Variants in ANKRD40 observed in about 807,000 individuals in gnomAD.
The protein encoded by ANKRD40 is ankyrin repeat domain 40.
A neutral mutation model predicts 35.5 loss-of-function variants in ANKRD40; 24 were observed. The observed-to-expected ratio is 0.68, with a 90% confidence interval of 0.49 to 0.95. The LOEUF is 0.95. Ranked by LOEUF, ANKRD40 falls within the 40% of genes least tolerant of loss-of-function variation. The probability of loss-of-function intolerance (pLI) is 0.00; values close to 1 mark genes in which losing one functional copy is unlikely to be tolerated. For missense variants in ANKRD40, 361 were observed against 436.0 expected, an observed-to-expected ratio of 0.83 and a Z score of 1.53; for synonymous variants, 147 against 173.5, an observed-to-expected ratio of 0.85 and a Z score of 1.20.
Position 50,699,387 on chromosome 17 carries a change from A to T in ANKRD40, c.778+12T>A. On this transcript the variant is annotated intron_variant, in intron 3 of 4. Coordinates refer to ENST00000285243, the MANE Select transcript of ANKRD40 (RefSeq NM_052855.4). ...CCCCTGTTGCAGAGGCTGTTTGCTG[A>T]TGAGGGGTTACCTTGCATATTAAAT... 1 of 1,610,550 alleles carries T rather than the reference A, an allele frequency of 6.2e-7. No homozygotes were observed. The highest frequency in any genetic ancestry group is 8.5e-7 in the Non-Finnish European group (1 of 1,177,330).
rs1056218192 is a variant in ANKRD40 at position 50,700,206 on chromosome 17, GGC to G, written c.284-315_284-314del. 5 of 270,924 alleles carry G rather than the reference GGC, an allele frequency of 1.8e-5. No homozygotes were observed. The Admixed American group carries it at 1.9e-4, about 10-fold the overall frequency. The allele number at this position is 270,924 out of a possible 1,614,324, so 16.8% of individuals were successfully genotyped here. Reference sequence around the variant, plus strand: ...TGCCTGTAATCCCAGCACTTTGGGAGGCTGAGGCTGGCGGATCACCTGAGGTC... The same window carrying G: ...TGCCTGTAATCCCAGCACTTTGGGAGTGAGGCTGGCGGATCACCTGAGGTC... On this transcript the variant is annotated intron_variant, in intron 2 of 4. Coordinates refer to ENST00000285243, the MANE Select transcript of ANKRD40 (RefSeq NM_052855.4).
In ANKRD40 at chr17:50,695,981, A is replaced by G; in HGVS notation, c.*16T>C. On this transcript the variant is annotated 3_prime_UTR_variant, in exon 5 of 5. Coordinates refer to ENST00000285243, the MANE Select transcript of ANKRD40 (RefSeq NM_052855.4). Reference sequence around the variant, plus strand: ...GCACACTGTCATAATACTCAGTGATAAAAGTCCCTGCTGCATTAGTAAGTC... The same window carrying G: ...GCACACTGTCATAATACTCAGTGATGAAAGTCCCTGCTGCATTAGTAAGTC... 1 of 1,613,648 alleles carries G rather than the reference A, an allele frequency of 6.2e-7. No homozygotes were observed.
chr17:50,700,751 G>A (rs750218993), intron 1 of ANKRD40, 35 bp from the exon 2 acceptor site: 6 of 1,578,478 alleles, frequency 3.8e-6, no homozygotes, highest in Non-Finnish European at 4.3e-6. Flanking sequence ...AAAAAGAGGA[G>A]AAGTGATTTT....
chr17:50,703,982 A>G (rs1968299675), intron 1 of ANKRD40, among the ~76,000 whole-genome samples: 2 of 152,000 alleles, frequency 1.3e-5, no homozygotes, highest in Admixed American at 6.5e-5. Flanking sequence ...AGTGAGAAGT[A>G]GTCAGATTCT....
chr17:50,695,992 C>A lies in ANKRD40; in HGVS notation c.*5G>T. On this transcript the variant is annotated 3_prime_UTR_variant, in exon 5 of 5. Transcript: ENST00000285243. Reference sequence around the variant, plus strand: ...TAATACTCAGTGATAAAAGTCCCTGCTGCATTAGTAAGTCAGTTTTGAAGC... The same window carrying A: ...TAATACTCAGTGATAAAAGTCCCTGATGCATTAGTAAGTCAGTTTTGAAGC... The A allele has an allele frequency of 6.2e-7, 1 of 1,613,836 alleles. No individual in the cohort carries two copies. Among genetic ancestry groups the A allele is most frequent in the East Asian group, 2.2e-5 (1 of 44,884 alleles).
chr17:50,699,252 T>A, intron 3 of ANKRD40, 147 bp downstream of exon 3: 1 of 1,096,698 alleles, frequency 9.1e-7, no homozygotes, highest in Non-Finnish European at 1.3e-6. Context: ...AGGTAAACAA[T>A]TTGTGAATTT....
At chr17:50,706,395 TTAACTC>T (rs748825951) in intron 1 of ANKRD40, among the ~76,000 whole-genome samples, 13 of 152,108 alleles carry the variant, frequency 8.5e-5, no homozygotes, top group African/African-American at 2.4e-4. Flanking sequence ...GCTACTCACT[TTAACTC>T]TAAGCTAGCA....
chr17:50,696,873 A>T, intron 4 of ANKRD40, 67 bp downstream of exon 4: 1 of 1,423,934 alleles, frequency 7.0e-7, no homozygotes, highest in South Asian at 1.4e-5. Context: ...TACCTCATAT[A>T]ACCAAGGAGG....
At chr17:50,705,839 T>TTAG (rs759751879) in intron 1 of ANKRD40, among the ~76,000 whole-genome samples, 11 of 151,664 alleles carry the variant, frequency 7.3e-5, no homozygotes, top group Non-Finnish European at 1.3e-4. Context: ...TTTTGTATCT[T>TTAG]TAGTAGAGAC....
chr17:50,696,910 A>G, intron 4 of ANKRD40, 30 bp downstream of exon 4: 1 of 1,554,020 alleles, frequency 6.4e-7, no homozygotes, highest in Non-Finnish European at 8.7e-7. Flanking sequence ...AAATGCAAAA[A>G]GCAGCCATTC....
chr17:50,703,492 T>C (rs1968293254), intron 1 of ANKRD40, among the ~76,000 whole-genome samples: 1 of 152,072 alleles, frequency 6.6e-6, no homozygotes, highest in South Asian at 2.1e-4. Context: ...CAACTTTAAA[T>C]TGAGGGCCCA....
At chr17:50,701,104 A>C (rs568951551) in intron 1 of ANKRD40, 1 of 146,756 alleles carries the variant, frequency 6.8e-6, no homozygotes, top group South Asian at 2.1e-4. Flanking sequence ...ATGGAAACTC[A>C]CTTCATATGC....
intron 3 of ANKRD40, 30 bp from the exon 4 acceptor site, chr17:50,697,151 T>C: frequency 6.9e-6 from 11 of 1,586,056 alleles, no homozygotes; most frequent in Non-Finnish European, 9.5e-6. Context: ...TGTTAATGAA[T>C]AGTTCTGGCA....
intron 3 of ANKRD40, among the ~76,000 whole-genome samples, chr17:50,697,978 A>G (rs528647329): frequency 6.6e-6 from 1 of 152,348 alleles, no homozygotes; most frequent in African/African-American, 2.4e-5. Context: ...ATATTTTTAA[A>G]AAGTTATACA....
rs8068848 is a variant in ANKRD40, at chr17:50,700,834, C to T, written c.135-118G>A. On this transcript the variant is annotated intron_variant, in intron 1 of 4. Coordinates refer to ENST00000285243, the MANE Select transcript of ANKRD40 (RefSeq NM_052855.4). ...TAGAGTTCAGCTAGAACCAGGTAAC[C>T]GGGCTGGTAATCTCAACTTTTCACA... The T allele has an allele frequency of 2.4e-3, 2,209 of 902,418 alleles. 32 individuals carry two copies. The African/African-American group carries it at 0.032, about 13-fold the overall frequency. 55.9% of individuals were successfully genotyped at this position (902,418 alleles called of 1,614,324 possible).
At chr17:50,698,233 G>A (rs955067445) in intron 3 of ANKRD40, among the ~76,000 whole-genome samples, 2 of 151,814 alleles carry the variant, frequency 1.3e-5, no homozygotes, top group Non-Finnish European at 1.5e-5. Flanking sequence ...CTATAAGCCC[G>A]GAACATCTTG....
Position 50,700,718 on chromosome 17 carries a change from T to C in ANKRD40, c.135-2A>G. ...TTACATGCCCAGTGTAAACAAGTCC[T>C]GTACCAAAGAAAATAATGATTGAAA... On this transcript the variant is annotated splice_acceptor_variant, in intron 1 of 4. Coordinates refer to ENST00000285243, the MANE Select transcript of ANKRD40 (RefSeq NM_052855.4). LOFTEE classifies it high-confidence loss of function. 1.2e-6 allele frequency: 2 copies of C among 1,600,650 alleles called. No individual in the cohort carries two copies. The highest frequency in any genetic ancestry group is 1.3e-5 in the African/African-American group (1 of 74,316).
rs1182871733 is a variant in ANKRD40, at chr17:50,696,254, A to T, written c.961-111T>A. On this transcript the variant is annotated intron_variant, in intron 4 of 4. Transcript: ENST00000285243. ...TTATTTCAAAACCTAGAAGAAAAAA[A>T]AAAATCCCTGTGGCAGGCTAAGTCA... 3 of 1,266,910 alleles carry T rather than the reference A, an allele frequency of 2.4e-6. No homozygotes were observed. In the African/African-American group the frequency reaches 4.5e-5, roughly 19 times the overall value. The allele number at this position is 1,266,910 out of a possible 1,614,324, so 78.5% of individuals were successfully genotyped here. A position where few individuals can be genotyped will look rare whatever the true frequency, so the allele number is the denominator to read the frequency against.
intron 2 of ANKRD40, 80 bp downstream of exon 2, chr17:50,700,488 G>C: frequency 1.5e-6 from 2 of 1,354,768 alleles, no homozygotes; most frequent in South Asian, 1.3e-5. Flanking sequence ...TGTTTGACCA[G>C]CATTAAGAAC....
Sources: gnomAD v4.1 joint callset for allele counts (sites outside exome capture counted in the v4.1 genomes callset) on GRCh38, gnomAD v4.1.1 for gene constraint, MANE v1.5 for transcripts, NCBI Gene and HGNC (gene_info 2026-07-23, HGNC 2026-07-21) for gene names.